SYNJ2BP: variants seen among roughly 807,000 people sequenced by gnomAD.
SYNJ2BP encodes synaptojanin 2 binding protein.
In SYNJ2BP, 10 loss-of-function variants were observed where a neutral mutation model predicts 16.9. The observed-to-expected ratio is 0.59, with a 90% CI of 0.36 to 1.00. The LOEUF (loss-of-function observed/expected upper bound fraction) is 1.00. SYNJ2BP is among the 50% of genes least tolerant of loss of function. The pLI, the probability that SYNJ2BP is intolerant of heterozygous loss-of-function variation, is 0.01. For synonymous variants in SYNJ2BP, 54 were observed against 68.4 expected, an observed-to-expected ratio of 0.79 and a Z score of 1.04; for missense variants, 162 against 186.7, an observed-to-expected ratio of 0.87 and a Z score of 0.77.
intron 1 of SYNJ2BP, among the ~76,000 whole-genome samples, chr14:70,416,237 AAAAT>A (rs759139240): frequency 2.0e-5 from 3 of 152,178 alleles, no homozygotes; most frequent in African/African-American, 7.2e-5. Context: ...GTGTTCATAA[AAAAT>A]AAATAAATAA....
chr14:70,384,488 T>TCC (rs1887816759), intron 2 of SYNJ2BP, among the ~76,000 whole-genome samples: 5 of 35,250 alleles, frequency 1.4e-4, no homozygotes, highest in Non-Finnish European at 2.8e-4. Context: ...GAATACGATG[T>TCC]CACGGGTAAG....
At chr14:70,390,437 G>C (rs1887955690) in intron 1 of SYNJ2BP, among the ~76,000 whole-genome samples, 1 of 152,064 alleles carries the variant, frequency 6.6e-6, no homozygotes, top group Admixed American at 6.5e-5. Context: ...GGGAGGCCAA[G>C]GCAGGTGGAT....
intron 1 of SYNJ2BP, among the ~76,000 whole-genome samples, chr14:70,412,035 T>G (rs1347089703): frequency 1.3e-5 from 2 of 152,202 alleles, no homozygotes; most frequent in African/African-American, 4.8e-5. Flanking sequence ...CAGTTTCAGT[T>G]AGCATGAAAC....
At chr14:70,391,481 C>T (rs987671740) in intron 1 of SYNJ2BP, among the ~76,000 whole-genome samples, 2 of 152,146 alleles carry the variant, frequency 1.3e-5, no homozygotes, top group Non-Finnish European at 2.9e-5. Context: ...ACAAGATTAT[C>T]GAAGGTTTTG....
At chr14:70,390,667 CA>C (rs11446063) in intron 1 of SYNJ2BP, among the ~76,000 whole-genome samples, 23 of 138,232 alleles carry the variant, frequency 1.7e-4, no homozygotes, top group Admixed American at 1.5e-4. Flanking sequence ...GACTCCATCT[CA>C]AAAAAAAAAA....
At chr14:70,399,993 A>C (rs1888201239) in intron 1 of SYNJ2BP, among the ~76,000 whole-genome samples, 1 of 152,216 alleles carries the variant, frequency 6.6e-6, no homozygotes, top group Admixed American at 6.5e-5. Flanking sequence ...CAATTGTCAA[A>C]AGCTGCAAAA....
intron 1 of SYNJ2BP, among the ~76,000 whole-genome samples, chr14:70,395,135 T>C (rs989449559): frequency 3.9e-5 from 6 of 152,208 alleles, no homozygotes; most frequent in Non-Finnish European, 8.8e-5. Context: ...GGGTAATATA[T>C]TCTAGAGGAA....
Position 70,372,871 on chromosome 14 carries a change from G to A in SYNJ2BP, c.*120C>T. ...GAGACTGTGAACAGCAAGGTTTGGG[G>A]TGGGTATCAGTCACTTCAAATCTGG... On this transcript the variant is annotated 3_prime_UTR_variant, in exon 4 of 4. Transcript: ENST00000256366. The A allele has an allele frequency of 1.4e-6, 2 of 1,419,146 alleles. No individual in the cohort carries two copies. The highest frequency in any genetic ancestry group is 1.9e-6 in the Non-Finnish European group (2 of 1,048,960). 87.9% of individuals were successfully genotyped at this position (1,419,146 alleles called of 1,614,324 possible).
intron 1 of SYNJ2BP, among the ~76,000 whole-genome samples, chr14:70,411,068 G>C (rs1046639747): frequency 6.6e-6 from 1 of 152,114 alleles, no homozygotes; most frequent in Non-Finnish European, 1.5e-5. Context: ...AGAGCTCAAA[G>C]TGAAGTAGAA....
chr14:70,416,483 A>G lies in SYNJ2BP; in HGVS notation c.64+417T>C, dbSNP rs979260364. ...GGAGCGAGGGAGGGATCCTAGCTGC[A>G]GGAAAACGGCTATGCATTCAGAGTC... On this transcript the variant is annotated intron_variant, in intron 1 of 3. Transcript: ENST00000256366. Among the ~76,000 whole-genome samples, 14 of 152,216 alleles carry G rather than the reference A, an allele frequency of 9.2e-5. 1 individual carries two copies. The South Asian group carries it at 2.9e-3, about 32-fold the overall frequency.
chr14:70,381,511 C>T (rs1224218335), intron 2 of SYNJ2BP, among the ~76,000 whole-genome samples: 1 of 152,200 alleles, frequency 6.6e-6, no homozygotes, highest in African/African-American at 2.4e-5. Context: ...CTCTCCAATA[C>T]TGACATCCTC....
At chr14:70,407,129 T>TAA (rs80237661) in intron 1 of SYNJ2BP, among the ~76,000 whole-genome samples, 1 of 151,928 alleles carries the variant, frequency 6.6e-6, no homozygotes, top group Non-Finnish European at 1.5e-5. Context: ...GTTTTTGCTA[T>TAA]AAAAAATGGC....
rs563790254 is a variant in SYNJ2BP, at chr14:70,369,056, G to T, written c.*3935C>A. On this transcript the variant is annotated 3_prime_UTR_variant, in exon 4 of 4. Transcript: ENST00000256366. ...GTGAGATGCCACGCTCAGAGTTTTT[G>T]ATTCACTAGGTCTGGAACTTCTTTT... 1 of 152,318 alleles carries T rather than the reference G, an allele frequency of 6.6e-6. No homozygotes were observed. The highest frequency in any genetic ancestry group is 1.9e-4 in the East Asian group (1 of 5,178). 9.4% of individuals were successfully genotyped at this position (152,318 alleles called of 1,614,324 possible).
intron 1 of SYNJ2BP, among the ~76,000 whole-genome samples, chr14:70,412,707 T>C (rs757583362): frequency 4.0e-5 from 6 of 151,878 alleles, no homozygotes; most frequent in Non-Finnish European, 7.4e-5. Flanking sequence ...CATCATCTTT[T>C]CCAAGGCCTT....
chr14:70,396,566 T>C (rs1888100094), intron 1 of SYNJ2BP, among the ~76,000 whole-genome samples: 1 of 140,726 alleles, frequency 7.1e-6, no homozygotes. Flanking sequence ...GCTACCCCAA[T>C]GATATGTGTG....
chr14:70,406,580 C>T (rs1450765748), intron 1 of SYNJ2BP, among the ~76,000 whole-genome samples: 1 of 152,186 alleles, frequency 6.6e-6, no homozygotes, highest in African/African-American at 2.4e-5. Context: ...CCCCGAATTG[C>T]TCCAGGGGAT....
intron 1 of SYNJ2BP, among the ~76,000 whole-genome samples, chr14:70,411,599 T>C (rs1426138538): frequency 6.6e-6 from 1 of 152,246 alleles, no homozygotes; most frequent in African/African-American, 2.4e-5. Context: ...AACCTCAGAA[T>C]ATGCTCTGCT....
chr14:70,406,989 T>A (rs2140867498), intron 1 of SYNJ2BP, among the ~76,000 whole-genome samples: 1 of 152,344 alleles, frequency 6.6e-6, no homozygotes. Context: ...TGATTACACC[T>A]GCACTTCATT....
intron 1 of SYNJ2BP, among the ~76,000 whole-genome samples, chr14:70,401,474 G>C (rs577810141): frequency 6.6e-5 from 10 of 150,848 alleles, no homozygotes; most frequent in East Asian, 1.9e-4. Context: ...TATCTTTTGT[G>C]GGGGGGAAAG....
Sources: gnomAD v4.1 joint callset for allele counts (sites outside exome capture counted in the v4.1 genomes callset) on GRCh38, gnomAD v4.1.1 for gene constraint, MANE v1.5 for transcripts, NCBI Gene and HGNC (gene_info 2026-07-23, HGNC 2026-07-21) for gene names.